Variants in MAF observed in about 807,000 individuals in gnomAD.
MAF encodes transcription factor Maf.
A neutral mutation model predicts 22.0 loss-of-function variants in MAF; 10 were observed. The observed-to-expected ratio is 0.45, with a 90% CI of 0.28 to 0.77. The LOEUF (loss-of-function observed/expected upper bound fraction) is 0.77, where lower values mean the gene tolerates loss of function less well. MAF is among the 30% of genes least tolerant of loss of function. MAF has a pLI of 0.12. For missense variants in MAF, 544 were observed against 548.4 expected, an observed-to-expected ratio of 0.99 and a Z score of 0.08; for synonymous variants, 337 against 255.8, an observed-to-expected ratio of 1.32 and a Z score of -3.03.
the MAF span, among the ~76,000 whole-genome samples, chr16:79,441,062 C>A: frequency 6.6e-6 from 1 of 152,196 alleles, no homozygotes; most frequent in African/African-American, 2.4e-5. Context: ...GGTGAAATAT[C>A]TTATCAGAAT....
chr16:79,336,162 G>C, the MAF span, among the ~76,000 whole-genome samples: 1 of 152,198 alleles, frequency 6.6e-6, no homozygotes, highest in African/African-American at 2.4e-5. Flanking sequence ...AAGTCTGTAA[G>C]CTTCAGGTGT....
At chr16:79,580,625 G>T in the MAF span, among the ~76,000 whole-genome samples, 2 of 152,190 alleles carry the variant, frequency 1.3e-5, no homozygotes, top group South Asian at 2.1e-4. Flanking sequence ...CCTCAGACCT[G>T]GGCAGCTGAG....
chr16:79,289,138 G>C, the MAF span, among the ~76,000 whole-genome samples: 1 of 152,222 alleles, frequency 6.6e-6, no homozygotes, highest in African/African-American at 2.4e-5. Flanking sequence ...TCCAAGCTAA[G>C]AAAATGTCAC....
At chr16:79,423,151 A>G in the MAF span, among the ~76,000 whole-genome samples, 2 of 152,212 alleles carry the variant, frequency 1.3e-5, no homozygotes, top group Admixed American at 1.3e-4. Context: ...ATGTTTTAGA[A>G]TAAGCATATC....
At chr16:79,230,376 T>C in the MAF span, among the ~76,000 whole-genome samples, 1 of 152,144 alleles carries the variant, frequency 6.6e-6, no homozygotes, top group Non-Finnish European at 1.5e-5. Context: ...GTACTGAGGC[T>C]CGGAGAGTCA....
chr16:79,220,002 T>A, the MAF span, among the ~76,000 whole-genome samples: 2 of 152,124 alleles, frequency 1.3e-5, no homozygotes, highest in Non-Finnish European at 2.9e-5. Flanking sequence ...TATTAAAAAA[T>A]TAAAATTCTT....
chr16:79,512,252 C>T, the MAF span, among the ~76,000 whole-genome samples: 2 of 152,214 alleles, frequency 1.3e-5, no homozygotes, highest in Non-Finnish European at 2.9e-5. Context: ...GCCTCCCAGA[C>T]TCTTTATTTT....
At chr16:79,423,876 T>C in the MAF span, among the ~76,000 whole-genome samples, 588 of 152,328 alleles carry the variant, frequency 3.9e-3, 7 homozygotes, top group African/African-American at 0.014. Flanking sequence ...CTTAGATAGA[T>C]GCTTGAAAAC....
At chr16:79,300,076 G>T in the MAF span, among the ~76,000 whole-genome samples, 2 of 152,168 alleles carry the variant, frequency 1.3e-5, no homozygotes, top group African/African-American at 2.4e-5. Context: ...ATGGCTAAAA[G>T]CACATGCTCC....
chr16:79,424,299 T>C, the MAF span, among the ~76,000 whole-genome samples: 5 of 152,208 alleles, frequency 3.3e-5, no homozygotes, highest in South Asian at 1.0e-3. Flanking sequence ...AGAAACAAAG[T>C]GACATGGTAG....
At chr16:79,446,853 T>C in the MAF span, among the ~76,000 whole-genome samples, 1 of 151,948 alleles carries the variant, frequency 6.6e-6, no homozygotes, top group African/African-American at 2.4e-5. Flanking sequence ...GGTTGAAAGG[T>C]TGCAGTGAGC....
the MAF span, among the ~76,000 whole-genome samples, chr16:79,332,403 C>G: frequency 2.6e-5 from 4 of 152,152 alleles, no homozygotes; most frequent in African/African-American, 9.7e-5. Flanking sequence ...TGGGTTCAAG[C>G]GATTCTCGTG....
At chr16:79,494,718 A>C in the MAF span, among the ~76,000 whole-genome samples, 4 of 152,124 alleles carry the variant, frequency 2.6e-5, no homozygotes, top group Non-Finnish European at 4.4e-5. Context: ...ACACTGACTG[A>C]GTGTCCCGGT....
the MAF span, among the ~76,000 whole-genome samples, chr16:79,286,996 A>G: frequency 6.6e-6 from 1 of 152,164 alleles, no homozygotes; most frequent in Non-Finnish European, 1.5e-5. Context: ...TTAAAAACCG[A>G]AGCCAGAAGT....
the MAF span, among the ~76,000 whole-genome samples, chr16:79,510,761 A>G: frequency 3.9e-5 from 6 of 152,216 alleles, no homozygotes; most frequent in African/African-American, 7.2e-5. Flanking sequence ...TTGAACAAGA[A>G]GCTCCACATT....
the MAF span, among the ~76,000 whole-genome samples, chr16:79,278,674 A>G: frequency 6.6e-6 from 1 of 151,650 alleles, no homozygotes; most frequent in Non-Finnish European, 1.5e-5. Flanking sequence ...TCGTGGGTAG[A>G]AGGCACTAGC....
chr16:79,207,588 T>C, the MAF span, among the ~76,000 whole-genome samples: 3 of 152,242 alleles, frequency 2.0e-5, no homozygotes, highest in Admixed American at 6.5e-5. Context: ...ATTGAATATA[T>C]AGATATGCCA....
chr16:79,405,522 C>T, the MAF span, among the ~76,000 whole-genome samples: 1 of 152,178 alleles, frequency 6.6e-6, no homozygotes, highest in African/African-American at 2.4e-5. Flanking sequence ...TCACTTCTTC[C>T]TCCTTGCTCT....
At chr16:79,518,052 C>T in the MAF span, among the ~76,000 whole-genome samples, 2 of 152,200 alleles carry the variant, frequency 1.3e-5, no homozygotes, top group African/African-American at 4.8e-5. Context: ...GATTAGCACT[C>T]ACTTGATGCC....
Sources: gnomAD v4.1 joint callset for allele counts (sites outside exome capture counted in the v4.1 genomes callset) on GRCh38, gnomAD v4.1.1 for gene constraint, MANE v1.5 for transcripts, NCBI Gene and HGNC (gene_info 2026-07-23, HGNC 2026-07-21) for gene names.